Variants in PRPSAP2 observed in about 807,000 individuals in gnomAD.
PRPSAP2 encodes phosphoribosyl pyrophosphate synthase-associated protein 2.
In PRPSAP2, 24 loss-of-function variants were observed where a neutral mutation model predicts 40.6. That is an observed-to-expected ratio of 0.59 (90% CI 0.43 to 0.83). PRPSAP2 has a LOEUF of 0.83. PRPSAP2 is among the 40% of genes least tolerant of loss of function. The probability of loss-of-function intolerance (pLI) is 0.00; values close to 1 mark genes in which losing one functional copy is unlikely to be tolerated. For synonymous variants in PRPSAP2, 149 were observed against 164.7 expected (o/e 0.90, Z 0.73); for missense variants, 292 against 465.6 (o/e 0.63, Z 3.43).
At chr17:18,889,716 CT>C (rs2039414650) in intron 7 of PRPSAP2, 105 bp from the exon 8 acceptor site, 2 of 851,940 alleles carry the variant, frequency 2.3e-6, no homozygotes, top group East Asian at 2.9e-5. Flanking sequence ...TTACTTTGAA[CT>C]TTTTCTTTTT....
At position 18,877,861 on chromosome 17, in the gene PRPSAP2, T is replaced by G. The variant is rs1434560384; in HGVS notation, c.403T>G (p.Cys135Gly). 1 of 1,600,420 alleles carries G rather than the reference T, an allele frequency of 6.2e-7. No individual in the cohort carries two copies. The highest frequency in any genetic ancestry group is 8.5e-7 in the Non-Finnish European group (1 of 1,175,518). ...CTCTAAATTGCTGGCTTCCATGATG[T>G]GCAAAGCTGGTAAGAATGGCAGATG... Reference protein sequence around the residue: ...IVSKLLASMMCKAGLTHLITM... With the variant: ...IVSKLLASMMGKAGLTHLITM... The change falls in exon 6 of 12, where the codon TGC becomes GGC. Residue 135 changes from cysteine (C) to glycine (G), a missense_variant. Coordinates refer to ENST00000268835, the MANE Select transcript of PRPSAP2 (RefSeq NM_002767.4).
In PRPSAP2 at chr17:18,865,879, A is replaced by G. The variant is rs765470177; in HGVS notation, c.46A>G (p.Thr16Ala). The change falls in exon 3 of 12, where the codon ACC (threonine) becomes GCC (alanine). Residue 16 changes from threonine (T) to alanine (A), a missense_variant. Coordinates refer to ENST00000268835, the MANE Select transcript of PRPSAP2 (RefSeq NM_002767.4). ...PPELETKMNI[T>A]KGGLVLFSAN... ...TGAATTAGAAACCAAGATGAACATA[A>G]CCAAAGGTGGTCTGGTGTTGTTTTC... is the stretch of plus-strand genomic sequence containing the variant. 3.7e-5 allele frequency: 57 copies of G among 1,547,652 alleles called. No individual in the cohort carries two copies. The highest frequency in any genetic ancestry group is 6.9e-5 in the East Asian group (3 of 43,396).
intron 8 of PRPSAP2, among the ~76,000 whole-genome samples, chr17:18,907,481 A>G (rs1419505140): frequency 6.6e-6 from 1 of 152,202 alleles, no homozygotes; most frequent in African/African-American, 2.4e-5. Flanking sequence ...TTAGTAATTG[A>G]TAGAATAAGG....
At chr17:18,902,363 G>A (rs866628417) in intron 8 of PRPSAP2, among the ~76,000 whole-genome samples, 2 of 152,156 alleles carry the variant, frequency 1.3e-5, no homozygotes, top group African/African-American at 2.4e-5. Flanking sequence ...CATGTGTAGC[G>A]TCAGATGTTT....
intron 6 of PRPSAP2, among the ~76,000 whole-genome samples, chr17:18,882,247 C>T (rs566941841): frequency 6.6e-6 from 1 of 152,132 alleles, no homozygotes; most frequent in South Asian, 2.1e-4. Flanking sequence ...TGCAGTGGCT[C>T]ATGCCTGTAT....
intron 8 of PRPSAP2, among the ~76,000 whole-genome samples, chr17:18,898,229 C>G (rs1474225474): frequency 6.6e-6 from 1 of 151,128 alleles, no homozygotes; most frequent in African/African-American, 2.4e-5. Context: ...CATCTCTTGA[C>G]CTCGCAATCT....
At chr17:18,909,885 GTC>G (rs2040852607) in intron 8 of PRPSAP2, among the ~76,000 whole-genome samples, 1 of 151,946 alleles carries the variant, frequency 6.6e-6, no homozygotes, top group Admixed American at 6.6e-5. Flanking sequence ...GTGAGACTCT[GTC>G]TCAAAAGAAA....
intron 7 of PRPSAP2, among the ~76,000 whole-genome samples, chr17:18,883,513 G>A (rs1211667069): frequency 1.3e-5 from 2 of 149,138 alleles, no homozygotes; most frequent in Admixed American, 6.8e-5. Flanking sequence ...AGCAATTCTC[G>A]AGTAGCTGGG....
At chr17:18,908,788 C>A (rs1257589537) in intron 8 of PRPSAP2, 1 of 679,068 alleles carries the variant, frequency 1.5e-6, no homozygotes, top group Non-Finnish European at 2.7e-6. Context: ...AACGATCATG[C>A]CAAAAAAAGT....
chr17:18,903,586 T>C (rs2040413202), intron 8 of PRPSAP2, among the ~76,000 whole-genome samples: 1 of 151,988 alleles, frequency 6.6e-6, no homozygotes, highest in Non-Finnish European at 1.5e-5. Context: ...ATACAAAAAT[T>C]AGCCGGGTGT....
chr17:18,886,379 G>A (rs898947606), intron 7 of PRPSAP2, among the ~76,000 whole-genome samples: 6 of 149,772 alleles, frequency 4.0e-5, no homozygotes, highest in Non-Finnish European at 8.9e-5. Flanking sequence ...TTTTTGAGAC[G>A]GAGTCTCACT....
intron 9 of PRPSAP2, among the ~76,000 whole-genome samples, chr17:18,921,826 A>G (rs1042735772): frequency 1.8e-4 from 27 of 152,328 alleles, no homozygotes; most frequent in African/African-American, 6.0e-4. Flanking sequence ...AAGAAAATTG[A>G]AGTCAAAGTC....
chr17:18,883,746 T>C (rs976856796), intron 7 of PRPSAP2, among the ~76,000 whole-genome samples: 1 of 152,156 alleles, frequency 6.6e-6, no homozygotes, highest in Non-Finnish European at 1.5e-5. Flanking sequence ...ATAACTTCTT[T>C]TTACAGTACT....
intron 9 of PRPSAP2, among the ~76,000 whole-genome samples, chr17:18,918,667 G>A (rs940709999): frequency 1.3e-5 from 2 of 152,198 alleles, no homozygotes; most frequent in East Asian, 1.9e-4. Flanking sequence ...GGCCAGATCC[G>A]GGAGGCTGAT....
intron 2 of PRPSAP2, 92 bp downstream of exon 2, chr17:18,865,656 G>C (rs1214162727): frequency 3.0e-5 from 11 of 364,916 alleles, no homozygotes; most frequent in Non-Finnish European, 4.4e-5. Flanking sequence ...TGAACTTTCT[G>C]TTTGTCCATA....
intron 8 of PRPSAP2, among the ~76,000 whole-genome samples, chr17:18,890,542 A>C (rs2039477379): frequency 6.6e-6 from 1 of 152,112 alleles, no homozygotes; most frequent in East Asian, 1.9e-4. Context: ...ACTGAGGCTC[A>C]AACGATCCAC....
At chr17:18,858,059 A>ACAGCCCC (rs1450703276), upstream of PRPSAP2, 1 of 139,006 alleles carries the variant, frequency 7.2e-6, no homozygotes, top group Admixed American at 7.4e-5. Context: ...GGCCACGCCC[A>ACAGCCCC]CAGCCCCCAG....
At chr17:18,930,489 T>C in intron 11 of PRPSAP2, 51 bp from the exon 12 acceptor site, 1 of 1,566,186 alleles carries the variant, frequency 6.4e-7, no homozygotes, top group African/African-American at 1.4e-5. Context: ...GATCAAACCA[T>C]GAAGCTACTT....
In PRPSAP2 at chr17:18,863,423, G is replaced by A. The variant is rs1371245713; in HGVS notation, c.-128-2046G>A. ...TTGTTCTTAAACACACATGTTTATT[G>A]GTTGAGAGATGGCTTTAGAAGTATT... On this transcript the variant is annotated intron_variant, in intron 1 of 11. Transcript: ENST00000268835. Among the ~76,000 whole-genome samples, 4 of 152,218 alleles carry A rather than the reference G, an allele frequency of 2.6e-5. No individual in the cohort carries two copies. The East Asian group carries it at 7.7e-4, about 29-fold the overall frequency.
Sources: allele counts gnomAD v4.1 joint callset (sites outside exome capture counted in the v4.1 genomes callset), GRCh38; gene constraint gnomAD v4.1.1; transcripts MANE v1.5; gene names NCBI Gene and HGNC (gene_info 2026-07-23, HGNC 2026-07-21).